The following GPC5 variants were observed in gnomAD, a reference collection of about 807,000 sequenced individuals.
GPC5 encodes the protein glypican-5.
In GPC5, 47 loss-of-function variants were observed where a neutral mutation model predicts 53.9. That is an observed-to-expected ratio of 0.87 (90% CI 0.69 to 1.11). The LOEUF (loss-of-function observed/expected upper bound fraction) is 1.11. Among genes scored for constraint, GPC5 ranks in the 50% most tolerant of loss-of-function variants. The probability of loss-of-function intolerance (pLI) is 0.00; values close to 1 mark genes in which losing one functional copy is unlikely to be tolerated. For synonymous variants in GPC5, 286 were observed against 263.3 expected (o/e 1.09, Z -0.84); for missense variants, 748 against 713.1 (o/e 1.05, Z -0.56).
chr13:92,643,110 G>C (rs12870019), intron 7 of GPC5, among the ~76,000 whole-genome samples: 51,706 of 151,730 alleles, frequency 0.34, 10,014 homozygotes, highest in Non-Finnish European at 0.45. Context: ...GTTCATTGTA[G>C]ATTCTGGATA....
intron 6 of GPC5, among the ~76,000 whole-genome samples, chr13:92,119,023 A>G (rs1396249431): frequency 6.6e-6 from 1 of 152,226 alleles, no homozygotes; most frequent in Non-Finnish European, 1.5e-5. Flanking sequence ...TTACACTGCT[A>G]ATAAAGACAT....
intron 1 of GPC5, among the ~76,000 whole-genome samples, chr13:91,445,802 A>C (rs1471660205): frequency 6.6e-6 from 1 of 152,104 alleles, no homozygotes; most frequent in East Asian, 1.9e-4. Flanking sequence ...TTGGTTCTGG[A>C]ATTTCCCATT....
intron 2 of GPC5, among the ~76,000 whole-genome samples, chr13:91,557,410 T>C (rs184901831): frequency 6.6e-6 from 1 of 152,258 alleles, no homozygotes; most frequent in Admixed American, 6.5e-5. Flanking sequence ...TTAGCAGATC[T>C]ACTATTCAGC....
At chr13:91,623,980 G>A (rs1311551126) in intron 2 of GPC5, among the ~76,000 whole-genome samples, 2 of 152,036 alleles carry the variant, frequency 1.3e-5, no homozygotes, top group Admixed American at 1.3e-4. Flanking sequence ...GGTAGTAAAG[G>A]GAGAATAAAA....
intron 6 of GPC5, among the ~76,000 whole-genome samples, chr13:92,099,304 C>G (rs1020607344): frequency 6.6e-6 from 1 of 152,102 alleles, no homozygotes; most frequent in Non-Finnish European, 1.5e-5. Flanking sequence ...TAAAGCTATC[C>G]GTACATGGCT....
At chr13:92,527,810 T>A (rs1881420987) in intron 7 of GPC5, among the ~76,000 whole-genome samples, 1 of 152,104 alleles carries the variant, frequency 6.6e-6, no homozygotes, top group Admixed American at 6.6e-5. Context: ...TTTAGATTAG[T>A]TTCTATAACA....
At chr13:91,714,421 A>C (rs1566631093) in intron 3 of GPC5, among the ~76,000 whole-genome samples, 1 of 152,242 alleles carries the variant, frequency 6.6e-6, no homozygotes, top group Non-Finnish European at 1.5e-5. Flanking sequence ...AATGCATTCA[A>C]GCTCTGTCCA....
intron 6 of GPC5, among the ~76,000 whole-genome samples, chr13:92,083,969 G>T (rs981446001): frequency 3.3e-5 from 5 of 152,180 alleles, no homozygotes; most frequent in South Asian, 2.1e-4. Flanking sequence ...CATGTCCTTT[G>T]CAGGGACATG....
chr13:92,813,311 TC>T (rs1395403523), intron 7 of GPC5, among the ~76,000 whole-genome samples: 4 of 151,942 alleles, frequency 2.6e-5, no homozygotes, highest in African/African-American at 7.3e-5. Flanking sequence ...AATTTTGTAA[TC>T]TTTTTTTTAG....
intron 2 of GPC5, among the ~76,000 whole-genome samples, chr13:91,570,187 C>T (rs2031719222): frequency 1.3e-5 from 2 of 152,078 alleles, no homozygotes; most frequent in South Asian, 4.2e-4. Context: ...GACAAATAGA[C>T]ATCAGAAAGT....
At chr13:92,138,260 C>A (rs559078140) in intron 6 of GPC5, among the ~76,000 whole-genome samples, 1 of 152,088 alleles carries the variant, frequency 6.6e-6, no homozygotes, top group Non-Finnish European at 1.5e-5. Context: ...GTGGCTCACA[C>A]CTATAATCCC....
intron 7 of GPC5, among the ~76,000 whole-genome samples, chr13:92,159,157 C>T (rs1034794037): frequency 3.9e-5 from 6 of 152,208 alleles, no homozygotes; most frequent in Non-Finnish European, 7.3e-5. Flanking sequence ...CACCAAATCC[C>T]TCAACTCCCT....
intron 7 of GPC5, among the ~76,000 whole-genome samples, chr13:92,680,001 C>T (rs1200468201): frequency 1.3e-5 from 2 of 151,352 alleles, no homozygotes; most frequent in African/African-American, 4.9e-5. Context: ...GAAACCTCAG[C>T]ATAGACTATA....
At chr13:91,922,071 A>G (rs1434001357) in intron 6 of GPC5, among the ~76,000 whole-genome samples, 1 of 152,168 alleles carries the variant, frequency 6.6e-6, no homozygotes, top group Non-Finnish European at 1.5e-5. Context: ...ATCAATAAGC[A>G]TTGCCAAGAG....
chr13:92,182,370 T>G (rs1168716249), intron 7 of GPC5, among the ~76,000 whole-genome samples: 1 of 152,188 alleles, frequency 6.6e-6, no homozygotes, highest in Non-Finnish European at 1.5e-5. Flanking sequence ...TATAATCCAC[T>G]TTTCAAACAA....
chr13:92,224,107 A>T (rs2042467813), intron 7 of GPC5, among the ~76,000 whole-genome samples: 1 of 152,154 alleles, frequency 6.6e-6, no homozygotes, highest in African/African-American at 2.4e-5. Context: ...GATTATGGTG[A>T]CTTAGAATTA....
At chr13:91,628,705 C>G (rs77110746) in intron 2 of GPC5, among the ~76,000 whole-genome samples, 1 of 152,068 alleles carries the variant, frequency 6.6e-6, no homozygotes, top group Admixed American at 6.6e-5. Context: ...GTTGCTTTAT[C>G]AATAAATAAC....
intron 4 of GPC5, among the ~76,000 whole-genome samples, chr13:91,733,848 G>C (rs1456935322): frequency 6.6e-6 from 1 of 152,132 alleles, no homozygotes; most frequent in East Asian, 1.9e-4. Flanking sequence ...GCCCCGGCCA[G>C]AACTTCCAAT....
chr13:92,735,529 G>T (rs1216473118), intron 7 of GPC5, among the ~76,000 whole-genome samples: 2 of 151,956 alleles, frequency 1.3e-5, no homozygotes, highest in African/African-American at 4.8e-5. Flanking sequence ...CTACTTGAGA[G>T]TTGATGAGAA....
Sources: allele counts gnomAD v4.1 joint callset (sites outside exome capture counted in the v4.1 genomes callset), GRCh38; gene constraint gnomAD v4.1.1; transcripts MANE v1.5; gene names NCBI Gene and HGNC (gene_info 2026-07-23, HGNC 2026-07-21).